Variants in PCDHA10 observed in about 807,000 individuals in gnomAD.
The protein encoded by PCDHA10 is protocadherin alpha 10.
PCDHA10 carries 45 observed loss-of-function variants against 61.2 expected under a neutral mutation model. The observed-to-expected ratio is 0.74, with a 90% CI of 0.58 to 0.94. The LOEUF (loss-of-function observed/expected upper bound fraction) is 0.94, where lower values mean the gene tolerates loss of function less well. Among genes scored for constraint, PCDHA10 ranks in the 40% least tolerant of loss-of-function variants. The pLI is 0.00. For missense variants in PCDHA10, 1,278 were observed against 1,236.2 expected (o/e 1.03, Z -0.51); for synonymous variants, 602 against 548.8 (o/e 1.10, Z -1.35).
intron 1 of PCDHA10, among the ~76,000 whole-genome samples, chr5:140,880,418 G>T (rs1554171267): frequency 6.6e-6 from 1 of 152,090 alleles, no homozygotes; most frequent in Non-Finnish European, 1.5e-5. Flanking sequence ...CTTAAAAGCG[G>T]GAACAGTTTT....
chr5:140,995,276 C>T (rs2097674050), intron 3 of PCDHA10, among the ~76,000 whole-genome samples: 4 of 152,030 alleles, frequency 2.6e-5, no homozygotes, highest in Non-Finnish European at 1.5e-5. Flanking sequence ...CCCTTTGATA[C>T]CAAAACAGCC....
chr5:140,943,830 G>C (rs1245752469), intron 1 of PCDHA10, among the ~76,000 whole-genome samples: 1 of 152,198 alleles, frequency 6.6e-6, no homozygotes, highest in Non-Finnish European at 1.5e-5. Context: ...TGAGTTGATT[G>C]AAGTTGTAAG....
intron 1 of PCDHA10, among the ~76,000 whole-genome samples, chr5:140,889,446 TTAATC>T (rs1274795213): frequency 7.2e-5 from 11 of 152,204 alleles, no homozygotes; most frequent in African/African-American, 2.4e-4. Flanking sequence ...ATTTTCCTGT[TTAATC>T]TAAATTTTCA....
At chr5:140,872,610 T>C (rs1270918795) in intron 1 of PCDHA10, among the ~76,000 whole-genome samples, 2 of 152,146 alleles carry the variant, frequency 1.3e-5, no homozygotes, top group Non-Finnish European at 2.9e-5. Context: ...AAAATAATTT[T>C]TTTTGCCTGT....
At chr5:140,888,503 T>C (rs1582952197) in intron 1 of PCDHA10, among the ~76,000 whole-genome samples, 1 of 152,132 alleles carries the variant, frequency 6.6e-6, no homozygotes, top group East Asian at 1.9e-4. Context: ...CTTTAAAGAG[T>C]CTTGGACTTA....
chr5:141,009,330 G>A (rs1355837607), intron 3 of PCDHA10, among the ~76,000 whole-genome samples: 2 of 152,192 alleles, frequency 1.3e-5, no homozygotes, highest in African/African-American at 2.4e-5. Context: ...ATGGGAGCTT[G>A]TGCCTGTAGT....
At chr5:141,003,467 A>G (rs1262411574) in intron 3 of PCDHA10, among the ~76,000 whole-genome samples, 1 of 152,036 alleles carries the variant, frequency 6.6e-6, no homozygotes, top group Non-Finnish European at 1.5e-5. Context: ...GTGCACCACC[A>G]CAGTCTCGCT....
At chr5:140,927,824 A>C in intron 1 of PCDHA10, 1 of 1,614,182 alleles carries the variant, frequency 6.2e-7, no homozygotes, top group Non-Finnish European at 8.5e-7. Context: ...GCATACATTG[A>C]GGCGAGGGAC....
chr5:141,000,417 A>ATTTT (rs1563652061), intron 3 of PCDHA10, among the ~76,000 whole-genome samples: 4 of 77,746 alleles, frequency 5.1e-5, no homozygotes, highest in African/African-American at 1.1e-4. Flanking sequence ...ATATATATAT[A>ATTTT]TATATTTTTT....
intron 1 of PCDHA10, among the ~76,000 whole-genome samples, chr5:140,936,528 T>C (rs2091012406): frequency 6.6e-6 from 1 of 152,244 alleles, no homozygotes; most frequent in Non-Finnish European, 1.5e-5. Flanking sequence ...TGAAATTGCT[T>C]TTGAATATAG....
chr5:140,962,127 G>A (rs1198076557), intron 1 of PCDHA10, among the ~76,000 whole-genome samples: 1 of 151,934 alleles, frequency 6.6e-6, no homozygotes, highest in East Asian at 1.9e-4. Flanking sequence ...CCTTGGCCTC[G>A]GCCTCCCAAA....
chr5:141,000,447 G>C (rs2097938373), intron 3 of PCDHA10, among the ~76,000 whole-genome samples: 1 of 41,758 alleles, frequency 2.4e-5, no homozygotes, highest in Admixed American at 2.7e-4. Flanking sequence ...TTTTTTTTGA[G>C]ACAGAGTTTT....
In PCDHA10 at chr5:140,972,718, C is replaced by T. The variant is rs921637217; in HGVS notation, c.2389-6231C>T. Among the ~76,000 whole-genome samples the T allele has an allele frequency of 9.2e-5, 13 of 142,004 alleles. No individual in the cohort carries two copies. In the East Asian group the frequency reaches 2.5e-3, roughly 27 times the overall value. The allele number at this position is 142,004 out of a possible 152,430, so 93.2% of individuals were successfully genotyped here. A position where few individuals can be genotyped will look rare whatever the true frequency, so the allele number is the denominator to read the frequency against. Reference sequence around the variant, plus strand: ...CTCACTCTGTTGCCAGGCTGGAGTGCAGTGGCGTAATCCCGGCTCACTGCA... The same window carrying T: ...CTCACTCTGTTGCCAGGCTGGAGTGTAGTGGCGTAATCCCGGCTCACTGCA... On this transcript the variant is annotated intron_variant, in intron 1 of 3. Coordinates refer to ENST00000307360, the MANE Select transcript of PCDHA10 (RefSeq NM_018901.4).
intron 3 of PCDHA10, among the ~76,000 whole-genome samples, chr5:140,992,128 G>GACTGATGAT (rs2097493639): frequency 6.6e-6 from 1 of 151,816 alleles, no homozygotes; most frequent in Non-Finnish European, 1.5e-5. Context: ...GAAGAACAGT[G>GACTGATGAT]ACTGATGATG....
rs1554150713 is a variant in PCDHA10 at position 140,857,831 on chromosome 5, G to A, written c.1783G>A (p.Ala595Thr). Reference protein sequence around the residue: ...VAGHVVAKVRAVDADSGYNAW... With the variant: ...VAGHVVAKVRTVDADSGYNAW... ...GGGTCACGTGGTGGCTAAGGTGCGC[G>A]CAGTGGACGCTGACTCTGGATACAA... The change falls in exon 1 of 4, where the codon GCA (alanine) becomes ACA (threonine). Residue 595 changes from alanine to threonine, a missense_variant. Coordinates refer to ENST00000307360, the MANE Select transcript of PCDHA10 (RefSeq NM_018901.4). The A allele has an allele frequency of 6.3e-7, 1 of 1,597,806 alleles. No homozygotes were observed. Among genetic ancestry groups the A allele is most frequent in the Non-Finnish European group, 8.6e-7 (1 of 1,167,538 alleles).
chr5:140,919,933 T>C (rs2153555434), intron 1 of PCDHA10, among the ~76,000 whole-genome samples: 1 of 152,222 alleles, frequency 6.6e-6, no homozygotes. Flanking sequence ...AGGTGGGGGC[T>C]AATTCCAGTG....
chr5:140,885,044 T>G (rs187504984), intron 1 of PCDHA10, among the ~76,000 whole-genome samples: 1 of 152,360 alleles, frequency 6.6e-6, no homozygotes, highest in African/African-American at 2.4e-5. Context: ...TTTAGTTTAA[T>G]GTATACATAT....
At chr5:140,880,281 C>T (rs2058294062) in intron 1 of PCDHA10, among the ~76,000 whole-genome samples, 2 of 152,074 alleles carry the variant, frequency 1.3e-5, no homozygotes. Flanking sequence ...AGAAGTTTGA[C>T]TATCTTCATA....
In PCDHA10 at chr5:140,883,265, C is replaced by G. The variant is rs782741439; in HGVS notation, c.2388+24829C>G. 4.5e-5 allele frequency: 73 copies of G among 1,613,790 alleles called. No homozygotes were observed. The highest frequency in any genetic ancestry group is 6.0e-5 in the Non-Finnish European group (71 of 1,179,996). ...CAAAGGAAATATTCCAATGGCGGGTCATTGTACCCTTTTGGTGGAAGTACT... is the reference window on the plus strand; with the variant it reads ...CAAAGGAAATATTCCAATGGCGGGTGATTGTACCCTTTTGGTGGAAGTACT... On this transcript the variant is annotated intron_variant, in intron 1 of 3. Transcript: ENST00000307360.
Sources: allele counts gnomAD v4.1 joint callset (sites outside exome capture counted in the v4.1 genomes callset), GRCh38; gene constraint gnomAD v4.1.1; transcripts MANE v1.5; gene names NCBI Gene and HGNC (gene_info 2026-07-23, HGNC 2026-07-21).